Variants in TWIST2 observed in about 807,000 individuals in gnomAD.
TWIST2 encodes twist family bHLH transcription factor 2.
In TWIST2, 1 loss-of-function variant was observed where a neutral mutation model predicts 11.6. That is an observed-to-expected ratio of 0.09 (90% CI 0.03 to 0.41). TWIST2 has a LOEUF of 0.41. Among genes scored for constraint, TWIST2 ranks in the 10% least tolerant of loss-of-function variants. The pLI is 0.98. For missense variants in TWIST2, 168 were observed against 226.4 expected, an observed-to-expected ratio of 0.74 and a Z score of 1.66; for synonymous variants, 87 against 96.6, an observed-to-expected ratio of 0.90 and a Z score of 0.58.
At chr2:238,887,944 C>T (rs1222254040) in intron 1 of TWIST2, among the ~76,000 whole-genome samples, 2 of 152,232 alleles carry the variant, frequency 1.3e-5, no homozygotes, top group Non-Finnish European at 2.9e-5. Flanking sequence ...GGAAAACCAT[C>T]TCATAACCCA....
intron 1 of TWIST2, among the ~76,000 whole-genome samples, chr2:238,884,896 C>T (rs1046645101): frequency 2.0e-5 from 3 of 152,216 alleles, no homozygotes; most frequent in Non-Finnish European, 2.9e-5. Flanking sequence ...TTCCCAAACC[C>T]ACCAGTCTGC....
At chr2:238,891,549 G>A (rs554827840) in intron 1 of TWIST2, among the ~76,000 whole-genome samples, 7 of 152,324 alleles carry the variant, frequency 4.6e-5, no homozygotes, top group Admixed American at 3.3e-4. Context: ...AGGGTGAGAG[G>A]ACGGTCTGGC....
Position 238,867,824 on chromosome 2 carries a change from C to A in TWIST2, c.*35+19091C>A, listed in dbSNP as rs1490700401. ...AGCCGTTCCCAGAGCTGAGGGGCAT[C>A]CCTCGAAGGCGGGAGGGAGAGAAGT... On this transcript the variant is annotated intron_variant, in intron 1 of 1. Coordinates refer to ENST00000612363, the MANE Select transcript of TWIST2 (RefSeq NM_001271893.4). This position sits in a 1 kb window ranked among gnomAD's most constrained non-coding sequence, Gnocchi z 4.8. 6.6e-6 allele frequency among the ~76,000 whole-genome samples: 1 copy of A among 152,106 alleles called. No individual in the cohort carries two copies. Among genetic ancestry groups the A allele is most frequent in the Non-Finnish European group, 1.5e-5 (1 of 68,026 alleles).
In TWIST2 at chr2:238,864,671, G is replaced by A. The variant is rs961438068; in HGVS notation, c.*35+15938G>A. Among the ~76,000 whole-genome samples the A allele has an allele frequency of 1.3e-5, 2 of 152,188 alleles. No homozygotes were observed. The highest frequency in any genetic ancestry group is 4.8e-5 in the African/African-American group (2 of 41,454). On this transcript the variant is annotated intron_variant, in intron 1 of 1. Coordinates refer to ENST00000612363, the MANE Select transcript of TWIST2 (RefSeq NM_001271893.4). The surrounding 1 kb of genome is among the most constrained non-coding windows in gnomAD (Gnocchi z 4.7). The stretch of plus-strand genomic sequence containing the variant: ...CGAGGTGCGGGAGAAGAGGAGGTGG[G>A]AGGGTGCGGGGCCGTGGCTTGCTCT...
intron 1 of TWIST2, among the ~76,000 whole-genome samples, chr2:238,868,843 G>A (rs1221514479): frequency 1.3e-5 from 2 of 152,264 alleles, no homozygotes; most frequent in Non-Finnish European, 2.9e-5. Context: ...CTGCGTGCCG[G>A]CCGGTGCAGG....
chr2:238,870,127 CACACACACCACACCCCAT>C (rs1692622669), intron 1 of TWIST2, among the ~76,000 whole-genome samples: 7 of 71,678 alleles, frequency 9.8e-5, no homozygotes, highest in African/African-American at 4.0e-4. Flanking sequence ...ACACCCCCCA[CACACACACCACACCCCAT>C]ACACACCACA....
intron 1 of TWIST2, among the ~76,000 whole-genome samples, chr2:238,861,289 G>A (rs1054465752): frequency 2.4e-4 from 37 of 152,288 alleles, no homozygotes; most frequent in African/African-American, 7.7e-4. Context: ...ATTCACATTC[G>A]TAGCACAGCA....
chr2:238,906,024 G>T (rs988394529), intron 1 of TWIST2, among the ~76,000 whole-genome samples: 2 of 152,062 alleles, frequency 1.3e-5, no homozygotes, highest in Non-Finnish European at 2.9e-5. Context: ...GTTTTCATAC[G>T]CATGGGTTTC....
At chr2:238,879,502 C>T (rs1692867989) in intron 1 of TWIST2, among the ~76,000 whole-genome samples, 1 of 152,218 alleles carries the variant, frequency 6.6e-6, no homozygotes, top group Non-Finnish European at 1.5e-5. Context: ...CCACACTCAC[C>T]ACTCCTTAGG....
Position 238,866,593 on chromosome 2 carries a change from G to A in TWIST2, c.*35+17860G>A, listed in dbSNP as rs537272838. ...AATTGCTTGAACCCGGGAGGCGGAGGTTGCAGTGAGCTGAGATCGCGCCAC... is the reference window on the plus strand; with the variant it reads ...AATTGCTTGAACCCGGGAGGCGGAGATTGCAGTGAGCTGAGATCGCGCCAC... On this transcript the variant is annotated intron_variant, in intron 1 of 1. Transcript: ENST00000612363. This position sits in a 1 kb window ranked among gnomAD's most constrained non-coding sequence, Gnocchi z 4.9. Among the ~76,000 whole-genome samples, 2 of 152,296 alleles carry A rather than the reference G, an allele frequency of 1.3e-5. No homozygotes were observed. Among genetic ancestry groups the A allele is most frequent in the Non-Finnish European group, 2.9e-5 (2 of 68,016 alleles).
chr2:238,896,879 C>T (rs1693213562), intron 1 of TWIST2, among the ~76,000 whole-genome samples: 1 of 152,160 alleles, frequency 6.6e-6, no homozygotes, highest in African/African-American at 2.4e-5. Context: ...CACCCGGAGC[C>T]CACAGACAGA....
chr2:238,903,212 G>A (rs1213112451), intron 1 of TWIST2, among the ~76,000 whole-genome samples: 2 of 143,598 alleles, frequency 1.4e-5, no homozygotes, highest in Non-Finnish European at 3.0e-5. Context: ...GGTATGTGAT[G>A]TGAGGTTTAT....
At chr2:238,905,438 C>T (rs1330892088) in intron 1 of TWIST2, among the ~76,000 whole-genome samples, 1 of 152,160 alleles carries the variant, frequency 6.6e-6, no homozygotes, top group East Asian at 1.9e-4. Flanking sequence ...TGTCAGCAGA[C>T]ATGGCTGGGG....
intron 1 of TWIST2, among the ~76,000 whole-genome samples, chr2:238,892,342 G>A (rs1295370903): frequency 4.6e-5 from 7 of 152,250 alleles, no homozygotes; most frequent in Admixed American, 6.5e-5. Flanking sequence ...CGTGTTACCC[G>A]TGAGAAGATA....
chr2:238,905,884 T>G (rs1300070856), intron 1 of TWIST2, among the ~76,000 whole-genome samples: 1 of 147,348 alleles, frequency 6.8e-6, no homozygotes, highest in Non-Finnish European at 1.5e-5. Context: ...TGTGTGCATG[T>G]GCGCGCATGC....
At chr2:238,868,419 C>T (rs527644474) in intron 1 of TWIST2, among the ~76,000 whole-genome samples, 1 of 152,302 alleles carries the variant, frequency 6.6e-6, no homozygotes, top group East Asian at 1.9e-4. Flanking sequence ...CCAAGCCTGC[C>T]CACTTCGGAC....
rs1693406872 is a variant in TWIST2, at chr2:238,909,033, TATTC to T, written c.*36-808_*36-805del. 5.1e-4 allele frequency among the ~76,000 whole-genome samples: 77 copies of T among 152,256 alleles called. 4 individuals are homozygous for T. The highest frequency in any genetic ancestry group is 1.8e-3 in the African/African-American group (73 of 41,472). On this transcript the variant is annotated intron_variant, in intron 1 of 1. Transcript: ENST00000612363. ...TGTGTGTGTATGTGGAGGTGTGGTGTATTCGTGGTTGTGGTATGTGTATGTGGTG... is the reference window on the plus strand; with the variant it reads ...TGTGTGTGTATGTGGAGGTGTGGTGTGTGGTTGTGGTATGTGTATGTGGTG...
intron 1 of TWIST2, among the ~76,000 whole-genome samples, chr2:238,855,317 C>T (rs1018469266): frequency 1.1e-4 from 16 of 152,246 alleles, no homozygotes; most frequent in East Asian, 5.8e-4. Context: ...TTTCTCAAAT[C>T]GGGCATCTAC....
chr2:238,907,905 TACAA>T (rs1432461060), intron 1 of TWIST2, among the ~76,000 whole-genome samples: 5 of 108,692 alleles, frequency 4.6e-5, no homozygotes, highest in Admixed American at 1.0e-4. Flanking sequence ...CACCCCCACT[TACAA>T]ACACACACCA....
Sources: allele counts gnomAD v4.1 joint callset (sites outside exome capture counted in the v4.1 genomes callset), GRCh38; gene constraint gnomAD v4.1.1; non-coding constraint Gnocchi (gnomAD v3.1); transcripts MANE v1.5; gene names NCBI Gene and HGNC (gene_info 2026-07-23, HGNC 2026-07-21).